SNIP1: variants seen among roughly 807,000 people sequenced by gnomAD.
The protein encoded by SNIP1 is Smad nuclear interacting protein 1, also known as smad nuclear-interacting protein 1.
In SNIP1, 23 loss-of-function variants were observed where a neutral mutation model predicts 37.4. The ratio of observed to expected loss-of-function variants is 0.61; its 90% CI spans 0.44 to 0.87. SNIP1 has a LOEUF of 0.87. Among genes scored for constraint, SNIP1 ranks in the 40% least tolerant of loss-of-function variants. SNIP1 has a pLI of 0.00. For missense variants in SNIP1, 459 were observed against 540.4 expected, an observed-to-expected ratio of 0.85 and a Z score of 1.49; for synonymous variants, 174 against 200.0, an observed-to-expected ratio of 0.87 and a Z score of 1.10.
intron 2 of SNIP1, among the ~76,000 whole-genome samples, chr1:37,543,679 G>C (rs1643197444): frequency 1.3e-5 from 2 of 151,260 alleles, no homozygotes; most frequent in South Asian, 2.1e-4. Context: ...TTAATGCACT[G>C]TTGGGCTTTC....
chr1:37,538,969 T>C (rs1643133857), intron 3 of SNIP1, among the ~76,000 whole-genome samples: 1 of 152,170 alleles, frequency 6.6e-6, no homozygotes. Context: ...TAGAGTCTCG[T>C]AGGAGCATGA....
chr1:37,548,461 G>A (rs1054135682), intron 2 of SNIP1, among the ~76,000 whole-genome samples: 19 of 150,822 alleles, frequency 1.3e-4, no homozygotes, highest in African/African-American at 4.4e-4. Context: ...GATTACACGC[G>A]CCCACCACCA....
intron 1 of SNIP1, 141 bp from the exon 2 acceptor site, chr1:37,552,888 T>C: frequency 1.4e-6 from 1 of 691,946 alleles, no homozygotes; most frequent in South Asian, 1.7e-5. Flanking sequence ...AGTCACGAGG[T>C]TCACTTTCCT....
At chr1:37,541,662 CA>C (rs34756254) in intron 2 of SNIP1, 57,815 of 127,710 alleles carry the variant, frequency 0.45, 12,221 homozygotes, top group East Asian at 0.6. Context: ...AACTCCTTCT[CA>C]AAAAAAAAAA....
In SNIP1 at chr1:37,536,912, GTTTA is replaced by G. The variant is rs1170756711; in HGVS notation, c.*832_*835del. 6.6e-6 allele frequency: 1 copy of G among 151,730 alleles called. No homozygotes were observed. Among genetic ancestry groups the G allele is most frequent in the East Asian group, 1.9e-4 (1 of 5,200 alleles). The allele number at this position is 151,730 out of a possible 1,614,324, so 9.4% of individuals were successfully genotyped here. A position where few individuals can be genotyped will look rare whatever the true frequency, so the allele number is the denominator to read the frequency against. On this transcript the variant is annotated 3_prime_UTR_variant, in exon 4 of 4. Transcript: ENST00000296215. ...AAAGAACGCTGTCACATCAGTGACAGTTTATTTCTCAAAGAAAAAAAGAGATAAC... is the reference window on the plus strand; with the variant it reads ...AAAGAACGCTGTCACATCAGTGACAGTTTCTCAAAGAAAAAAAGAGATAAC...
chr1:37,544,005 G>T (rs1046347212), intron 2 of SNIP1, among the ~76,000 whole-genome samples: 30 of 151,950 alleles, frequency 2.0e-4, no homozygotes, highest in African/African-American at 6.8e-4. Context: ...AATTAGCCAG[G>T]TGTGGTAGCG....
At chr1:37,546,260 G>A (rs1378530042) in intron 2 of SNIP1, among the ~76,000 whole-genome samples, 1 of 151,464 alleles carries the variant, frequency 6.6e-6, no homozygotes, top group African/African-American at 2.4e-5. Flanking sequence ...CATCAAGAGA[G>A]AGCCTCAGAC....
Position 37,540,746 on chromosome 1 carries a change from C to T in SNIP1, c.337G>A (p.Asp113Asn). The change falls in exon 3 of 4, where the codon GAT (aspartate) becomes AAT (asparagine). Residue 113 changes from aspartate to asparagine, a missense_variant. By Grantham distance (23) the Asp-to-Asn change is conservative. Coordinates refer to ENST00000296215, the MANE Select transcript of SNIP1 (RefSeq NM_024700.4). The surrounding 1 kb of genome is among the most constrained non-coding windows in gnomAD (Gnocchi z 5.6). ...STVKVKQERE[D>N]HPRRGREDRQ... ...TCCTCCCGTCCTCTCCGGGGATGAT[C>T]CTCACGCTCCTAAAATTCAAACAGA... 3.8e-6 allele frequency: 6 copies of T among 1,593,158 alleles called. No homozygotes were observed. The highest frequency in any genetic ancestry group is 5.1e-6 in the Non-Finnish European group (6 of 1,167,310).
At position 37,540,557 on chromosome 1, in the gene SNIP1, C is replaced by T. The variant is rs772951239; in HGVS notation, c.526G>A (p.Glu176Lys). 1 of 1,614,130 alleles carries T rather than the reference C, an allele frequency of 6.2e-7. No individual in the cohort carries two copies. Among genetic ancestry groups the T allele is most frequent in the Non-Finnish European group, 8.5e-7 (1 of 1,180,026 alleles). The stretch of plus-strand genomic sequence containing the variant: ...GCATTATAAAACTCCCGCTCTTCTT[C>T]CTGAGCCTGCAGGTTCTGAGTGTCT... ...DRDTQNLQAQ[E>K]EEREFYNARR... Residue 176 changes from glutamate (E) to lysine (K), a missense_variant, in exon 3 of 4, where the codon GAA (glutamate) becomes AAA (lysine). Transcript: ENST00000296215. This position sits in a 1 kb window ranked among gnomAD's most constrained non-coding sequence, Gnocchi z 5.6.
At position 37,554,235 on chromosome 1, in the gene SNIP1, G is replaced by A. The variant is rs765563771; in HGVS notation, c.-6C>T. The A allele has an allele frequency of 2.9e-5, 46 of 1,588,656 alleles. No homozygotes were observed. Among genetic ancestry groups the A allele is most frequent in the South Asian group, 1.8e-4 (16 of 87,986 alleles). ...TCGCTCTTCACCGCCTTCATTCTGT[G>A]ATTTTGGCTGGGCGAAAGAAAACAG... On this transcript the variant is annotated 5_prime_UTR_variant, in exon 1 of 4. Transcript: ENST00000296215.
chr1:37,540,721 T>C lies in SNIP1; in HGVS notation c.362A>G (p.Asp121Gly). 6.2e-7 allele frequency: 1 copy of C among 1,610,828 alleles called. No individual in the cohort carries two copies. Among genetic ancestry groups the C allele is most frequent in the South Asian group, 1.1e-5 (1 of 91,034 alleles). Residue 121 changes from aspartate to glycine, a missense_variant, in exon 3 of 4, where the codon GAT becomes GGT. Coordinates refer to ENST00000296215, the MANE Select transcript of SNIP1 (RefSeq NM_024700.4). This position sits in a 1 kb window ranked among gnomAD's most constrained non-coding sequence, Gnocchi z 5.6. ...TTCTGATGGTTCCCTGTGCTGCCGA[T>C]CCTCCCGTCCTCTCCGGGGATGATC... ...REDHPRRGRE[D>G]RQHREPSEQE...
intron 3 of SNIP1, among the ~76,000 whole-genome samples, chr1:37,538,529 A>AC (rs1643128420): frequency 1.3e-5 from 2 of 150,666 alleles, no homozygotes; most frequent in South Asian, 4.2e-4. Context: ...AAAAAAAAAA[A>AC]GGTGAGAATG....
intron 2 of SNIP1, among the ~76,000 whole-genome samples, chr1:37,542,560 C>T (rs563490815): frequency 1.3e-5 from 2 of 151,386 alleles, no homozygotes; most frequent in Non-Finnish European, 2.9e-5. Flanking sequence ...GGCAACATGG[C>T]GAAACTCTGT....
chr1:37,545,301 A>G, intron 2 of SNIP1: 5 of 604,962 alleles, frequency 8.3e-6, no homozygotes, highest in South Asian at 1.4e-5. Context: ...ATGAAAGCTA[A>G]GCCTTAGGCT....
In SNIP1 at chr1:37,552,702, C is replaced by T. The variant is rs761819178; in HGVS notation, c.270G>A (p.Lys90=). The change falls in exon 2 of 4, where the codon AAG becomes AAA. Residue 90 remains lysine, a synonymous_variant. Coordinates refer to ENST00000296215, the MANE Select transcript of SNIP1 (RefSeq NM_024700.4). ...KKNKASGRRS[K]SPRSKRNRSP... is the part of the protein sequence containing the mutation. ...TTCGGTTTCTCTTACTGCGAGGAGACTTGCTTCTTCTCCCTGAGGCCTTGT... is the reference window on the plus strand; with the variant it reads ...TTCGGTTTCTCTTACTGCGAGGAGATTTGCTTCTTCTCCCTGAGGCCTTGT... 2 of 1,614,208 alleles carry T rather than the reference C, an allele frequency of 1.2e-6. No homozygotes were observed. Among genetic ancestry groups the T allele is most frequent in the East Asian group, 4.5e-5 (2 of 44,888 alleles).
chr1:37,537,555 A>G lies in SNIP1; in HGVS notation c.*193T>C. The G allele has an allele frequency of 1.7e-6, 1 of 595,974 alleles. No individual in the cohort carries two copies. Among genetic ancestry groups the G allele is most frequent in the South Asian group, 2.6e-5 (1 of 38,360 alleles). 36.9% of individuals were successfully genotyped at this position (595,974 alleles called of 1,614,324 possible). A position where few individuals can be genotyped will look rare whatever the true frequency, so the allele number is the denominator to read the frequency against. On this transcript the variant is annotated 3_prime_UTR_variant, in exon 4 of 4. Transcript: ENST00000296215. ...AGGCATGTGGCCAAGGTGCCACAGAAAAAGTTTAACAAACATTAGTCAGTG... is the reference window on the plus strand; with the variant it reads ...AGGCATGTGGCCAAGGTGCCACAGAGAAAGTTTAACAAACATTAGTCAGTG...
In SNIP1 at chr1:37,534,781, T is replaced by C. The variant is rs1251662246; in HGVS notation, c.*2967A>G. The C allele has an allele frequency of 6.6e-6, 1 of 152,130 alleles. No homozygotes were observed. Among genetic ancestry groups the C allele is most frequent in the African/African-American group, 2.4e-5 (1 of 41,424 alleles). The allele number at this position is 152,130 out of a possible 1,614,324, so 9.4% of individuals were successfully genotyped here. On this transcript the variant is annotated 3_prime_UTR_variant, in exon 4 of 4. Transcript: ENST00000296215. The stretch of plus-strand genomic sequence containing the variant: ...TCTGTCCCATACCTCTGCAGAATCA[T>C]GGACCCCCACAGAGGACTTAGGGGA...
In SNIP1 at chr1:37,535,243, T is replaced by TATATATATATATATATATATATATA. The variant is rs1264980418; in HGVS notation, c.*2504_*2505insTATATATATATATATATATATATAT. 4.1e-4 allele frequency: 55 copies of TATATATATATATATATATATATATA among 134,476 alleles called. No homozygotes were observed. The highest frequency in any genetic ancestry group is 6.9e-4 in the African/African-American group (23 of 33,138). The allele number at this position is 134,476 out of a possible 1,614,324, so 8.3% of individuals were successfully genotyped here. ...AAAAAATAAAAATTATATATATAAATTAGCCAGGCTTGGTGACAGGTGCCT... is the reference window on the plus strand; with the variant it reads ...AAAAAATAAAAATTATATATATAAATATATATATATATATATATATATATATAGCCAGGCTTGGTGACAGGTGCCT... On this transcript the variant is annotated 3_prime_UTR_variant, in exon 4 of 4. Coordinates refer to ENST00000296215, the MANE Select transcript of SNIP1 (RefSeq NM_024700.4).
intron 2 of SNIP1, chr1:37,544,883 G>T (rs574969801): frequency 9.9e-7 from 1 of 1,015,026 alleles, no homozygotes; most frequent in East Asian, 2.4e-5. Context: ...TGACCACAAT[G>T]ATGTGGCTTT....
Sources: allele counts gnomAD v4.1 joint callset (sites outside exome capture counted in the v4.1 genomes callset), GRCh38; gene constraint gnomAD v4.1.1; non-coding constraint Gnocchi (gnomAD v3.1); transcripts MANE v1.5; gene names NCBI Gene and HGNC (gene_info 2026-07-23, HGNC 2026-07-21).